Variants in GMEB2 observed in about 807,000 individuals in gnomAD.
GMEB2 encodes the protein glucocorticoid modulatory element binding protein 2.
GMEB2 carries 7 observed loss-of-function variants against 45.7 expected under a neutral mutation model. That is an observed-to-expected ratio of 0.15 (90% confidence interval 0.09 to 0.29). GMEB2 has a LOEUF of 0.29. GMEB2 is among the 10% of genes least tolerant of loss of function. The pLI is 1.00. For missense variants in GMEB2, 582 were observed against 739.2 expected, an observed-to-expected ratio of 0.79 and a Z score of 2.47; for synonymous variants, 322 against 323.6, an observed-to-expected ratio of 1.00 and a Z score of 0.05.
At chr20:63,622,366 G>A (rs1282434004) in intron 1 of GMEB2, among the ~76,000 whole-genome samples, 3 of 152,144 alleles carry the variant, frequency 2.0e-5, no homozygotes, top group Non-Finnish European at 4.4e-5. Flanking sequence ...CTGCAATTAT[G>A]CCTTCAATGC....
In GMEB2 at chr20:63,597,815, C is replaced by T. The variant is rs1310192943; in HGVS notation, c.403G>A (p.Gly135Arg). 5 of 1,611,236 alleles carry T rather than the reference C, an allele frequency of 3.1e-6. No homozygotes were observed. The highest frequency in any genetic ancestry group is 4.2e-6 in the Non-Finnish European group (5 of 1,177,490). Residue 135 changes from glycine to arginine, a missense_variant, in exon 5 of 10, where the codon GGG becomes AGG. Coordinates refer to ENST00000370077, the MANE Select transcript of GMEB2 (RefSeq NM_012384.5). ...ISPKEFVHLA[G>R]KSTLKDWKRA... ...TTCCAGTCCTTCAGGGTGGACTTCCCGGCCAGGTGCACAAATTCCTTTGGG... is the reference window on the plus strand; with the variant it reads ...TTCCAGTCCTTCAGGGTGGACTTCCTGGCCAGGTGCACAAATTCCTTTGGG...
rs191118335 is a variant in GMEB2, at chr20:63,593,886, G to A, written c.620-804C>T. Among the ~76,000 whole-genome samples, 2 of 152,322 alleles carry A rather than the reference G, an allele frequency of 1.3e-5. No individual in the cohort carries two copies. The highest frequency in any genetic ancestry group is 1.9e-4 in the East Asian group (1 of 5,182). ...AAATACAAAGTCAACCGGGTGTGGC[G>A]GCGTGCGCCTGTAATCCCAGCTACT... On this transcript the variant is annotated intron_variant, in intron 6 of 9. Transcript: ENST00000370077. The surrounding 1 kb of genome is among the most constrained non-coding windows in gnomAD (Gnocchi z 4.7).
intron 2 of GMEB2, among the ~76,000 whole-genome samples, chr20:63,606,918 G>C (rs1053730867): frequency 2.0e-5 from 3 of 152,308 alleles, no homozygotes; most frequent in Admixed American, 6.5e-5. Flanking sequence ...GTTACCACGC[G>C]TACGGGAGAG....
At chr20:63,601,745 G>A (rs1171010475) in intron 4 of GMEB2, among the ~76,000 whole-genome samples, 9 of 152,220 alleles carry the variant, frequency 5.9e-5, no homozygotes, top group Non-Finnish European at 8.8e-5. Context: ...CCCAACAGCC[G>A]AGGCTGCTGC....
intron 1 of GMEB2, among the ~76,000 whole-genome samples, chr20:63,620,616 A>G (rs575615055): frequency 2.0e-5 from 3 of 152,358 alleles, no homozygotes; most frequent in African/African-American, 7.2e-5. Context: ...CCCAGGTCTC[A>G]GATGGGCCCC....
At chr20:63,625,083 A>G (rs1470751539) in intron 1 of GMEB2, among the ~76,000 whole-genome samples, 2 of 152,234 alleles carry the variant, frequency 1.3e-5, no homozygotes, top group Non-Finnish European at 2.9e-5. Flanking sequence ...AGTCCTTGAT[A>G]CAATGCTCTT....
chr20:63,592,761 G>A lies in GMEB2; in HGVS notation c.692-91C>T. 3 of 1,087,122 alleles carry A rather than the reference G, an allele frequency of 2.8e-6. No homozygotes were observed. Among genetic ancestry groups the A allele is most frequent in the Admixed American group, 1.7e-5 (1 of 57,572 alleles). The allele number at this position is 1,087,122 out of a possible 1,614,324, so 67.3% of individuals were successfully genotyped here. ...CACAAGGACATCACCATAGCCACGA[G>A]GACACCATGCCAGAGCCGGCAGCGC... On this transcript the variant is annotated intron_variant, in intron 7 of 9. Coordinates refer to ENST00000370077, the MANE Select transcript of GMEB2 (RefSeq NM_012384.5). This position sits in a 1 kb window ranked among gnomAD's most constrained non-coding sequence, Gnocchi z 8.2.
chr20:63,613,049 C>T (rs1172182318), intron 2 of GMEB2, among the ~76,000 whole-genome samples: 1 of 151,656 alleles, frequency 6.6e-6, no homozygotes, highest in Non-Finnish European at 1.5e-5. Context: ...GCAAGCTCTG[C>T]CCCCCGGATT....
chr20:63,604,968 G>T, intron 2 of GMEB2, 128 bp from the exon 3 acceptor site: 1 of 659,112 alleles, frequency 1.5e-6, no homozygotes, highest in Non-Finnish European at 2.8e-6. Flanking sequence ...AATGGCAGAG[G>T]GGCCGGGTGC....
In GMEB2 at chr20:63,589,987, C is replaced by T. The variant is rs1317065737; in HGVS notation, c.*102G>A. On this transcript the variant is annotated 3_prime_UTR_variant, in exon 10 of 10. Coordinates refer to ENST00000370077, the MANE Select transcript of GMEB2 (RefSeq NM_012384.5). ...CTCTTTGGTTCTGCAGACCACGTGA[C>T]CCACCTGCCCGAGCCAGCCCTGCGG... The T allele has an allele frequency of 2.7e-5, 27 of 999,892 alleles. No individual in the cohort carries two copies. The highest frequency in any genetic ancestry group is 3.8e-5 in the Non-Finnish European group (27 of 718,754). The allele number at this position is 999,892 out of a possible 1,614,324, so 61.9% of individuals were successfully genotyped here.
In GMEB2 at chr20:63,627,054, T is replaced by C; in HGVS notation, c.-156A>G. 6.6e-6 allele frequency: 1 copy of C among 151,614 alleles called. No individual in the cohort carries two copies. The highest frequency in any genetic ancestry group is 2.0e-4 in the East Asian group (1 of 5,100). 9.4% of individuals were successfully genotyped at this position (151,614 alleles called of 1,614,324 possible). A position where few individuals can be genotyped will look rare whatever the true frequency, so the allele number is the denominator to read the frequency against. On this transcript the variant is annotated 5_prime_UTR_variant, in exon 1 of 10. Transcript: ENST00000370077. ...CGGCGGCGGCCGCGGGCTTCGCTCC[T>C]TGTTGGGGATTCGGCGGCGGCGGCG...
Position 63,593,848 on chromosome 20 carries a change from C to CCCGT in GMEB2, c.620-770_620-767dup, listed in dbSNP as rs1327953955. On this transcript the variant is annotated intron_variant, in intron 6 of 9. Transcript: ENST00000370077. The surrounding 1 kb of genome is among the most constrained non-coding windows in gnomAD (Gnocchi z 4.7). ...AACAGCCTGGGCAACACGGCAAAAC[C>CCCGT]CCGTCTCTACTAAAATACAAAGTCA... Among the ~76,000 whole-genome samples, 22 of 152,276 alleles carry CCCGT rather than the reference C, an allele frequency of 1.4e-4. No homozygotes were observed. The East Asian group carries it at 3.9e-3, about 27-fold the overall frequency.
chr20:63,622,672 G>C (rs2089647878), intron 1 of GMEB2, among the ~76,000 whole-genome samples: 1 of 152,172 alleles, frequency 6.6e-6, no homozygotes, highest in African/African-American at 2.4e-5. Context: ...GCAAGATAAA[G>C]GGGAGAAAAG....
intron 9 of GMEB2, among the ~76,000 whole-genome samples, chr20:63,591,744 C>T (rs2083148881): frequency 1.3e-5 from 2 of 152,224 alleles, no homozygotes; most frequent in African/African-American, 2.4e-5. Flanking sequence ...GGATAACAGG[C>T]GTGAGCCACC....
chr20:63,626,552 G>A (rs1371160105), intron 1 of GMEB2, among the ~76,000 whole-genome samples: 3 of 138,512 alleles, frequency 2.2e-5, no homozygotes, highest in Non-Finnish European at 3.1e-5. Context: ...TGCGGGTCGC[G>A]TGGTGGCCCC....
At chr20:63,622,711 G>A (rs1033208511) in intron 1 of GMEB2, among the ~76,000 whole-genome samples, 16 of 152,178 alleles carry the variant, frequency 1.1e-4, no homozygotes, top group Non-Finnish European at 1.8e-4. Flanking sequence ...GCCACCAATC[G>A]CAAATGGCAG....
chr20:63,616,732 C>T (rs1261714009), intron 2 of GMEB2, among the ~76,000 whole-genome samples: 6 of 152,238 alleles, frequency 3.9e-5, no homozygotes, highest in Non-Finnish European at 7.3e-5. Flanking sequence ...CCCACCCTCA[C>T]CCATCCAGCT....
intron 2 of GMEB2, among the ~76,000 whole-genome samples, chr20:63,612,382 C>T (rs1378311446): frequency 1.3e-5 from 2 of 152,132 alleles, no homozygotes; most frequent in Non-Finnish European, 2.9e-5. Flanking sequence ...GAGGGGAAGT[C>T]GCTAGGTTTT....
rs1290710724 is a variant in GMEB2 at position 63,588,020 on chromosome 20, A to C, written c.*2069T>G. The C allele has an allele frequency of 1.3e-5, 2 of 152,414 alleles. No individual in the cohort carries two copies. The highest frequency in any genetic ancestry group is 3.7e-4 in the East Asian group (2 of 5,346). 9.4% of individuals were successfully genotyped at this position (152,414 alleles called of 1,614,324 possible). A position where few individuals can be genotyped will look rare whatever the true frequency, so the allele number is the denominator to read the frequency against. ...CGCTGGGGCTTGGAGCCCCTGCCAG[A>C]AGCAGCTGGGTTGGCGGTAGATGTC... is the stretch of plus-strand genomic sequence containing the variant. On this transcript the variant is annotated 3_prime_UTR_variant, in exon 10 of 10. Transcript: ENST00000370077.
Sources: allele counts gnomAD v4.1 joint callset (sites outside exome capture counted in the v4.1 genomes callset), GRCh38; gene constraint gnomAD v4.1.1; non-coding constraint Gnocchi (gnomAD v3.1); transcripts MANE v1.5; gene names NCBI Gene and HGNC (gene_info 2026-07-23, HGNC 2026-07-21).